ANKFN1: variants seen among roughly 807,000 people sequenced by gnomAD.
ANKFN1 encodes ankyrin repeat and fibronectin type-III domain-containing protein 1.
Under a neutral mutation model 108.7 loss-of-function variants are expected in ANKFN1, and 74 were observed. The observed-to-expected ratio is 0.68, with a 90% CI of 0.56 to 0.83. The LOEUF is 0.83. Ranked by LOEUF, ANKFN1 falls within the 40% of genes least tolerant of loss-of-function variation. The pLI, the probability that ANKFN1 is intolerant of heterozygous loss-of-function variation, is 0.00. For missense variants in ANKFN1, 1,505 were observed against 1,382.3 expected (o/e 1.09, Z -1.41); for synonymous variants, 547 against 516.2 (o/e 1.06, Z -0.81).
At chr17:56,107,620 C>A (rs115368677) in intron 4 of ANKFN1, among the ~76,000 whole-genome samples, 1 of 152,174 alleles carries the variant, frequency 6.6e-6, no homozygotes, top group South Asian at 2.1e-4. Flanking sequence ...CTTATCACAC[C>A]TTTGAGCTAG....
intron 3 of ANKFN1, among the ~76,000 whole-genome samples, chr17:56,312,382 C>A (rs2045055814): frequency 6.6e-6 from 1 of 152,152 alleles, no homozygotes; most frequent in South Asian, 2.1e-4. Flanking sequence ...GAAAGCCAAT[C>A]CCAGGAGACC....
At chr17:56,229,174 TG>T (rs1327145542) in intron 3 of ANKFN1, among the ~76,000 whole-genome samples, 1 of 152,160 alleles carries the variant, frequency 6.6e-6, no homozygotes, top group Non-Finnish European at 1.5e-5. Flanking sequence ...ACGCATTCAC[TG>T]ATATTTTTTA....
At chr17:56,189,347 T>G (rs972675166) in intron 1 of ANKFN1, among the ~76,000 whole-genome samples, 47 of 149,110 alleles carry the variant, frequency 3.2e-4, no homozygotes, top group Non-Finnish European at 5.8e-4. Context: ...ATTTTTTGTA[T>G]TTTTAGTAGA....
chr17:56,087,202 A>G (rs1002628623), intron 4 of ANKFN1, among the ~76,000 whole-genome samples: 1 of 151,282 alleles, frequency 6.6e-6, no homozygotes, highest in Non-Finnish European at 1.5e-5. Flanking sequence ...ACTATTTCCC[A>G]GGTCTTTCAT....
chr17:56,273,282 A>T (rs944652867), intron 3 of ANKFN1, among the ~76,000 whole-genome samples: 2 of 152,128 alleles, frequency 1.3e-5, no homozygotes, highest in Non-Finnish European at 2.9e-5. Flanking sequence ...AAATACCTTT[A>T]TTTAATGGGT....
intron 3 of ANKFN1, among the ~76,000 whole-genome samples, chr17:56,302,576 G>T (rs952120541): frequency 6.7e-6 from 1 of 150,212 alleles, no homozygotes; most frequent in Non-Finnish European, 1.5e-5. Flanking sequence ...AAAGAAAAAC[G>T]TATTTGTCTA....
intron 6 of ANKFN1, among the ~76,000 whole-genome samples, chr17:56,357,836 C>T (rs926515414): frequency 8.5e-5 from 13 of 152,272 alleles, no homozygotes; most frequent in African/African-American, 2.6e-4. Flanking sequence ...GAGTGTTTTA[C>T]ACCTACAAAA....
At chr17:56,165,170 A>C (rs2143527526) in intron 1 of ANKFN1, among the ~76,000 whole-genome samples, 1 of 152,332 alleles carries the variant, frequency 6.6e-6, no homozygotes, top group East Asian at 1.9e-4. Flanking sequence ...AATGTTTTAA[A>C]GTTGAGTAAA....
At chr17:56,491,627 C>G (rs769731458) in intron 18 of ANKFN1, among the ~76,000 whole-genome samples, 2 of 152,118 alleles carry the variant, frequency 1.3e-5, no homozygotes, top group Non-Finnish European at 2.9e-5. Context: ...CCAGAGGGGC[C>G]AAGAAGCGGA....
rs34394014 is a variant in ANKFN1, at chr17:56,141,923, CTTTTTTTTTTTT to C, written c.289-85980_289-85969del. On this transcript the variant is annotated intron_variant, in intron 4 of 12. Coordinates refer to the ANKFN1 transcript ENST00000635860. ...CCCTCTTTTTCATAACGATGGTGTA[CTTTTTTTTTTTT>C]TTTTTTTTTTTTTGAGATGGAGTCT... 5.0e-4 allele frequency among the ~76,000 whole-genome samples: 48 copies of C among 95,654 alleles called. No individual in the cohort carries two copies. The Admixed American group carries it at 5.8e-3, about 12-fold the overall frequency. 62.8% of individuals were successfully genotyped at this position (95,654 alleles called of 152,430 possible). A position where few individuals can be genotyped will look rare whatever the true frequency, so the allele number is the denominator to read the frequency against.
intron 18 of ANKFN1, among the ~76,000 whole-genome samples, chr17:56,482,929 C>T (rs1216273085): frequency 6.6e-6 from 1 of 151,946 alleles, no homozygotes; most frequent in Non-Finnish European, 1.5e-5. Context: ...CCTTTCCTCC[C>T]TTTCTCTCTC....
intron 8 of ANKFN1, among the ~76,000 whole-genome samples, chr17:56,427,634 G>A (rs796971872): frequency 2.6e-5 from 4 of 152,142 alleles, no homozygotes; most frequent in African/African-American, 9.6e-5. Flanking sequence ...GGACAGAGGC[G>A]CCAACCAGGA....
chr17:56,294,818 T>C (rs887659332), intron 3 of ANKFN1, among the ~76,000 whole-genome samples: 2 of 152,154 alleles, frequency 1.3e-5, no homozygotes, highest in African/African-American at 4.8e-5. Context: ...CAAAGAAACT[T>C]CCAGAATCAA....
intron 18 of ANKFN1, among the ~76,000 whole-genome samples, chr17:56,485,456 A>C (rs1274876347): frequency 6.6e-6 from 1 of 152,182 alleles, no homozygotes; most frequent in Non-Finnish European, 1.5e-5. Flanking sequence ...GGAGCATAGT[A>C]AGCAAAAGCA....
intron 8 of ANKFN1, among the ~76,000 whole-genome samples, chr17:56,382,206 C>G (rs1485435974): frequency 6.6e-6 from 1 of 152,126 alleles, no homozygotes; most frequent in African/African-American, 2.4e-5. Flanking sequence ...ATTTTCAAGC[C>G]AGAATTTCAT....
At chr17:56,148,596 T>C (rs1283001125), upstream of ANKFN1, among the ~76,000 whole-genome samples, 1 of 152,120 alleles carries the variant, frequency 6.6e-6, no homozygotes, top group African/African-American at 2.4e-5. Context: ...CCTATCTGTG[T>C]TGGAGGAGAA....
At chr17:56,508,212 A>G (rs1283900175) in intron 20 of ANKFN1, among the ~76,000 whole-genome samples, 1 of 152,138 alleles carries the variant, frequency 6.6e-6, no homozygotes, top group Non-Finnish European at 1.5e-5. Flanking sequence ...TTCATCTTAC[A>G]TCCTAGTTGC....
At chr17:56,399,046 T>C (rs1658116451) in intron 8 of ANKFN1, among the ~76,000 whole-genome samples, 1 of 152,144 alleles carries the variant, frequency 6.6e-6, no homozygotes, top group African/African-American at 2.4e-5. Flanking sequence ...ATAAAAATGA[T>C]GTCACATACC....
chr17:56,217,895 T>A (rs927990441), intron 2 of ANKFN1, among the ~76,000 whole-genome samples: 3 of 152,202 alleles, frequency 2.0e-5, no homozygotes, highest in African/African-American at 7.2e-5. Context: ...TCTAGCACTA[T>A]TATCTCTAAT....
Sources: allele counts gnomAD v4.1 joint callset (sites outside exome capture counted in the v4.1 genomes callset), GRCh38; gene constraint gnomAD v4.1.1; transcripts MANE v1.5; gene names NCBI Gene and HGNC (gene_info 2026-07-23, HGNC 2026-07-21).